The following NRG3 variants were observed in gnomAD, a reference collection of about 807,000 sequenced individuals.
NRG3 encodes neuregulin 3, also known as pro-neuregulin-3, membrane-bound isoform.
A neutral mutation model predicts 66.9 loss-of-function variants in NRG3; 31 were observed. The ratio of observed to expected loss-of-function variants is 0.46; its 90% CI spans 0.35 to 0.63. The LOEUF is 0.63. NRG3 is among the 20% of genes least tolerant of loss of function. NRG3 has a pLI of 0.00. For missense variants in NRG3, 910 were observed against 878.9 expected (o/e 1.04, Z -0.45); for synonymous variants, 393 against 359.4 (o/e 1.09, Z -1.06).
chr10:82,727,461 G>A lies in NRG3; in HGVS notation c.954-11116G>A, dbSNP rs577557131. 2.6e-5 allele frequency among the ~76,000 whole-genome samples: 4 copies of A among 152,360 alleles called. No individual in the cohort carries two copies. The South Asian group carries it at 8.3e-4, about 32-fold the overall frequency. ...AGGTACAGCTCAGGCCATGGCTTCA[G>A]AGGGTGCAAGCACCAAGCCTTGGCT... On this transcript the variant is annotated intron_variant, in intron 2 of 8. Transcript: ENST00000372141.
At chr10:82,572,837 C>T (rs888109301) in intron 2 of NRG3, among the ~76,000 whole-genome samples, 2 of 151,648 alleles carry the variant, frequency 1.3e-5, no homozygotes, top group African/African-American at 4.8e-5. Context: ...GAACATTTTG[C>T]CATGAATTAT....
chr10:82,389,555 C>A (rs887712490), intron 2 of NRG3, among the ~76,000 whole-genome samples: 22 of 152,020 alleles, frequency 1.4e-4, no homozygotes, highest in African/African-American at 5.3e-4. Flanking sequence ...CTATTCTTAA[C>A]AGGAAGAAAA....
intron 2 of NRG3, among the ~76,000 whole-genome samples, chr10:82,515,607 G>A (rs894636394): frequency 2.0e-5 from 3 of 152,188 alleles, no homozygotes; most frequent in African/African-American, 7.2e-5. Flanking sequence ...GATATGCAGT[G>A]ACACATTAGA....
At chr10:82,872,650 T>C (rs920085460) in intron 4 of NRG3, among the ~76,000 whole-genome samples, 77 of 151,642 alleles carry the variant, frequency 5.1e-4, no homozygotes, top group African/African-American at 1.8e-3. Flanking sequence ...GTCCAAAACC[T>C]CTAAAACTAA....
At chr10:82,450,680 G>A (rs2090979119) in intron 2 of NRG3, among the ~76,000 whole-genome samples, 1 of 152,070 alleles carries the variant, frequency 6.6e-6, no homozygotes, top group African/African-American at 2.4e-5. Flanking sequence ...TTTAAAAAAG[G>A]CACTTTAAAT....
chr10:82,072,097 C>T (rs1425589600), intron 1 of NRG3, among the ~76,000 whole-genome samples: 1 of 152,072 alleles, frequency 6.6e-6, no homozygotes, highest in African/African-American at 2.4e-5. Flanking sequence ...TAAAGGAAGG[C>T]ATCAAATGGA....
chr10:82,951,776 CAT>C (rs1220536934), intron 5 of NRG3, among the ~76,000 whole-genome samples: 1 of 152,142 alleles, frequency 6.6e-6, no homozygotes, highest in Non-Finnish European at 1.5e-5. Context: ...TATGTGCACA[CAT>C]GTGTGCGCGG....
chr10:81,962,781 T>A (rs1249161993), intron 1 of NRG3, among the ~76,000 whole-genome samples: 2 of 152,168 alleles, frequency 1.3e-5, no homozygotes, highest in African/African-American at 4.8e-5. Flanking sequence ...ATGTCCAACC[T>A]CCTTGGAGCT....
chr10:82,450,593 G>A (rs945912523), intron 2 of NRG3, among the ~76,000 whole-genome samples: 1 of 152,096 alleles, frequency 6.6e-6, no homozygotes, highest in Admixed American at 6.5e-5. Flanking sequence ...TGTTGCCAAA[G>A]CTTCTCAGAA....
chr10:82,029,735 A>C (rs1290405206), intron 1 of NRG3, among the ~76,000 whole-genome samples: 1 of 152,132 alleles, frequency 6.6e-6, no homozygotes, highest in African/African-American at 2.4e-5. Flanking sequence ...TCTTACATTG[A>C]GGGTTCCCAG....
intron 3 of NRG3, among the ~76,000 whole-genome samples, chr10:82,778,156 A>G (rs1394283025): frequency 1.3e-5 from 2 of 152,080 alleles, no homozygotes; most frequent in Non-Finnish European, 2.9e-5. Context: ...CAGCTTGGCA[A>G]CAGTGTCTCT....
At chr10:81,943,119 G>T (rs755482542) in intron 1 of NRG3, among the ~76,000 whole-genome samples, 1 of 152,092 alleles carries the variant, frequency 6.6e-6, no homozygotes, top group African/African-American at 2.4e-5. Context: ...TGGGCATGGT[G>T]GCTCATGCCT....
At chr10:82,514,279 G>T (rs896258441) in intron 2 of NRG3, among the ~76,000 whole-genome samples, 1 of 152,120 alleles carries the variant, frequency 6.6e-6, no homozygotes, top group Non-Finnish European at 1.5e-5. Flanking sequence ...GTCTTGAATG[G>T]TATTGCCTAG....
intron 4 of NRG3, 60 bp downstream of exon 4, chr10:82,865,497 T>C: frequency 6.7e-7 from 1 of 1,498,664 alleles, no homozygotes; most frequent in Admixed American, 1.8e-5. Context: ...ATGATGTACA[T>C]AGTGCTTTCC....
At chr10:82,786,162 C>T (rs935212590) in intron 3 of NRG3, among the ~76,000 whole-genome samples, 20 of 152,102 alleles carry the variant, frequency 1.3e-4, no homozygotes, top group African/African-American at 4.6e-4. Context: ...GTGAAGTAGA[C>T]CCTGTGACCC....
chr10:82,910,628 T>G (rs1845225820), intron 4 of NRG3, among the ~76,000 whole-genome samples: 5 of 152,256 alleles, frequency 3.3e-5, no homozygotes. Context: ...CTAGAAGATT[T>G]TTTTATTCCT....
intron 1 of NRG3, among the ~76,000 whole-genome samples, chr10:82,035,830 G>A (rs2132943149): frequency 6.6e-6 from 1 of 152,202 alleles, no homozygotes; most frequent in East Asian, 1.9e-4. Context: ...TGTGAATAAA[G>A]TAATTGACAA....
intron 4 of NRG3, among the ~76,000 whole-genome samples, chr10:82,917,964 G>GTATATA (rs1337255892): frequency 3.4e-5 from 3 of 88,090 alleles, no homozygotes; most frequent in African/African-American, 1.3e-4. Context: ...GTGTGTGTGT[G>GTATATA]TGTGTGTATA....
At chr10:82,948,938 A>G (rs1849270069) in intron 4 of NRG3, among the ~76,000 whole-genome samples, 1 of 152,180 alleles carries the variant, frequency 6.6e-6, no homozygotes, top group South Asian at 2.1e-4. Flanking sequence ...AACCTCTGGT[A>G]CAGTGTTGAC....
Sources: allele counts gnomAD v4.1 joint callset (sites outside exome capture counted in the v4.1 genomes callset), GRCh38; gene constraint gnomAD v4.1.1; transcripts MANE v1.5; gene names NCBI Gene and HGNC (gene_info 2026-07-23, HGNC 2026-07-21).